NFAT5: variants seen among roughly 807,000 people sequenced by gnomAD.
NFAT5 encodes nuclear factor of activated T cells 5, also known as nuclear factor of activated T-cells 5.
A neutral mutation model predicts 166.5 loss-of-function variants in NFAT5; 31 were observed. The observed-to-expected ratio is 0.19, with a 90% CI of 0.14 to 0.25. NFAT5 has a LOEUF of 0.25. NFAT5 is among the 10% of genes least tolerant of loss of function. The pLI is 1.00. For synonymous variants in NFAT5, 612 were observed against 639.7 expected, an observed-to-expected ratio of 0.96 and a Z score of 0.65; for missense variants, 1,449 against 1,821.8, an observed-to-expected ratio of 0.80 and a Z score of 3.72.
intron 4 of NFAT5, chr16:69,648,271 C>A: frequency 3.0e-6 from 3 of 984,306 alleles, no homozygotes; most frequent in Non-Finnish European, 3.6e-6. Context: ...GCTATGTTCT[C>A]TTTCCAATTG....
chr16:69,609,834 A>G (rs543168030), intron 2 of NFAT5, among the ~76,000 whole-genome samples: 10 of 151,558 alleles, frequency 6.6e-5, no homozygotes, highest in Admixed American at 2.6e-4. Flanking sequence ...AAAAAAAAAA[A>G]AAAAAAAGAA....
intron 2 of NFAT5, among the ~76,000 whole-genome samples, chr16:69,602,116 C>T (rs2033160434): frequency 7.7e-6 from 1 of 130,438 alleles, no homozygotes; most frequent in African/African-American, 3.3e-5. Context: ...ACGTTGAAAG[C>T]ATAAGGCTTT....
At chr16:69,613,840 C>T (rs1567541624) in intron 2 of NFAT5, among the ~76,000 whole-genome samples, 1 of 152,172 alleles carries the variant, frequency 6.6e-6, no homozygotes, top group Admixed American at 6.5e-5. Flanking sequence ...TATTGTGTCC[C>T]TAGATCAGTG....
At chr16:69,575,366 C>T (rs2016686540) in intron 2 of NFAT5, among the ~76,000 whole-genome samples, 3 of 152,108 alleles carry the variant, frequency 2.0e-5, no homozygotes, top group East Asian at 3.9e-4. Context: ...CAGGGTTTCA[C>T]CTTATTGGTC....
Position 69,670,317 on chromosome 16 carries a change from G to T in NFAT5, c.1557+29G>T, listed in dbSNP as rs770495089. ...AAATTTAAGCTTTTTTTATAATTTG[G>T]TTATTTACTCTCTGAGCAATTCAGT... On this transcript the variant is annotated intron_variant, in intron 9 of 14. Coordinates refer to ENST00000349945, the MANE Select transcript of NFAT5 (RefSeq NM_138713.4). The T allele has an allele frequency of 2.7e-5, 38 of 1,404,714 alleles. No individual in the cohort carries two copies. The Middle Eastern group carries it at 1.1e-3, about 40-fold the overall frequency. The allele number at this position is 1,404,714 out of a possible 1,614,324, so 87.0% of individuals were successfully genotyped here. A position where few individuals can be genotyped will look rare whatever the true frequency, so the allele number is the denominator to read the frequency against.
chr16:69,597,601 T>C (rs922675120), intron 2 of NFAT5, among the ~76,000 whole-genome samples: 3 of 151,758 alleles, frequency 2.0e-5, no homozygotes, highest in African/African-American at 7.3e-5. Flanking sequence ...TTTCTTTTTT[T>C]TTTTTTTTGA....
At chr16:69,590,809 T>G (rs2032415804) in intron 2 of NFAT5, among the ~76,000 whole-genome samples, 1 of 152,230 alleles carries the variant, frequency 6.6e-6, no homozygotes. Context: ...TAGAGTGTTG[T>G]GGGATTAGAG....
intron 7 of NFAT5, among the ~76,000 whole-genome samples, chr16:69,663,564 TAAA>T (rs60161117): frequency 1.2e-4 from 11 of 91,992 alleles, no homozygotes; most frequent in African/African-American, 2.8e-4. Context: ...CCCATCTCTT[TAAA>T]AAAAAAAAAA....
In NFAT5 at chr16:69,655,817, A is replaced by G. The variant is rs2035851564; in HGVS notation, c.1196+18A>G. ...ACACTGGCGTAAGTACTTAGTAAGA[A>G]TTTTTCATTATACATTACACTCTTG... On this transcript the variant is annotated intron_variant, in intron 6 of 14. Transcript: ENST00000349945. 6.3e-7 allele frequency: 1 copy of G among 1,597,288 alleles called. No homozygotes were observed.
intron 10 of NFAT5, among the ~76,000 whole-genome samples, chr16:69,681,832 G>T (rs1360146736): frequency 1.3e-5 from 2 of 151,558 alleles, no homozygotes; most frequent in Non-Finnish European, 2.9e-5. Flanking sequence ...GCAGGAGAAT[G>T]GCATGAACCC....
chr16:69,572,187 G>A (rs896857831), intron 2 of NFAT5, among the ~76,000 whole-genome samples: 1 of 152,072 alleles, frequency 6.6e-6, no homozygotes, highest in African/African-American at 2.4e-5. Context: ...AATTTAATAC[G>A]ATGATTGCCT....
chr16:69,688,580 C>T (rs2037423199), intron 11 of NFAT5, among the ~76,000 whole-genome samples: 1 of 151,926 alleles, frequency 6.6e-6, no homozygotes, highest in African/African-American at 2.4e-5. Flanking sequence ...CCATGTTGGT[C>T]AGGCTGGCGA....
intron 3 of NFAT5, among the ~76,000 whole-genome samples, chr16:69,633,604 T>G (rs1206507480): frequency 1.3e-5 from 2 of 152,144 alleles, no homozygotes; most frequent in Non-Finnish European, 2.9e-5. Flanking sequence ...ATGTTCTCAC[T>G]CATATGTGAA....
chr16:69,583,051 AATTT>A (rs1347529434), intron 2 of NFAT5, among the ~76,000 whole-genome samples: 1 of 151,558 alleles, frequency 6.6e-6, no homozygotes, highest in Non-Finnish European at 1.5e-5. Flanking sequence ...TTATTTTAAA[AATTT>A]ATTTATAAGT....
chr16:69,578,069 G>A (rs1404854106), intron 2 of NFAT5, among the ~76,000 whole-genome samples: 1 of 152,098 alleles, frequency 6.6e-6, no homozygotes, highest in African/African-American at 2.4e-5. Context: ...AAGTGATGCA[G>A]TGTAACAGCT....
chr16:69,695,413 C>A, intron 14 of NFAT5, 34 bp downstream of exon 14: 2 of 1,446,560 alleles, frequency 1.4e-6, no homozygotes, highest in Non-Finnish European at 1.9e-6. Flanking sequence ...TATTGAAAAG[C>A]ATCAGATTTT....
At chr16:69,627,419 G>A (rs1303109755) in intron 3 of NFAT5, among the ~76,000 whole-genome samples, 1 of 145,018 alleles carries the variant, frequency 6.9e-6, no homozygotes, top group Non-Finnish European at 1.5e-5. Flanking sequence ...GAGGTTTCTT[G>A]CCTAATATGA....
At chr16:69,633,741 T>C (rs1190601846) in intron 3 of NFAT5, among the ~76,000 whole-genome samples, 1 of 152,150 alleles carries the variant, frequency 6.6e-6, no homozygotes, top group Non-Finnish European at 1.5e-5. Flanking sequence ...TTCAGCTAGA[T>C]AGAAGAAATA....
intron 3 of NFAT5, among the ~76,000 whole-genome samples, chr16:69,644,557 A>T (rs1219273509): frequency 1.3e-5 from 2 of 152,206 alleles, no homozygotes; most frequent in Admixed American, 1.3e-4. Flanking sequence ...AAATTTATGT[A>T]GGATATGATA....
Sources: allele counts gnomAD v4.1 joint callset (sites outside exome capture counted in the v4.1 genomes callset), GRCh38; gene constraint gnomAD v4.1.1; transcripts MANE v1.5; gene names NCBI Gene and HGNC (gene_info 2026-07-23, HGNC 2026-07-21).